ADGRB3: variants seen among roughly 807,000 people sequenced by gnomAD.
The protein encoded by ADGRB3 is brain-specific angiogenesis inhibitor 3.
A neutral mutation model predicts 193.4 loss-of-function variants in ADGRB3; 37 were observed. The observed-to-expected ratio is 0.19, with a 90% CI of 0.15 to 0.25. The LOEUF is 0.25. Among genes scored for constraint, ADGRB3 ranks in the 10% least tolerant of loss-of-function variants. The pLI is 1.00. For synonymous variants in ADGRB3, 690 were observed against 644.2 expected (o/e 1.07, Z -1.08); for missense variants, 1,637 against 1,852.9 (o/e 0.88, Z 2.14).
At chr6:69,298,582 G>A (rs775452297) in intron 20 of ADGRB3, among the ~76,000 whole-genome samples, 20 of 151,900 alleles carry the variant, frequency 1.3e-4, no homozygotes, top group Non-Finnish European at 2.9e-4. Context: ...TCTAATGTGT[G>A]TCTTCATGAG....
intron 3 of ADGRB3, among the ~76,000 whole-genome samples, chr6:68,871,926 C>T (rs1562065369): frequency 6.6e-6 from 1 of 151,944 alleles, no homozygotes; most frequent in Non-Finnish European, 1.5e-5. Flanking sequence ...TCTATTCTTT[C>T]TTTGATTAGG....
intron 3 of ADGRB3, among the ~76,000 whole-genome samples, chr6:68,665,868 A>G (rs1009068412): frequency 1.3e-5 from 2 of 151,862 alleles, no homozygotes; most frequent in Admixed American, 6.6e-5. Flanking sequence ...ATATAAATGT[A>G]TATCACATAA....
intron 17 of ADGRB3, among the ~76,000 whole-genome samples, chr6:69,163,807 A>C (rs1775059979): frequency 6.6e-6 from 1 of 152,144 alleles, no homozygotes; most frequent in Non-Finnish European, 1.5e-5. Context: ...CTATGAGAAA[A>C]ACCCACTGAT....
chr6:69,285,704 A>G (rs1350419776), intron 20 of ADGRB3, among the ~76,000 whole-genome samples: 1 of 151,888 alleles, frequency 6.6e-6, no homozygotes, highest in Non-Finnish European at 1.5e-5. Flanking sequence ...AAATAGTACT[A>G]TCATTGTGGC....
chr6:69,234,592 G>T (rs750834687), intron 18 of ADGRB3, among the ~76,000 whole-genome samples: 1 of 152,062 alleles, frequency 6.6e-6, no homozygotes, highest in African/African-American at 2.4e-5. Flanking sequence ...CCAGATATAG[G>T]TAACATAATG....
intron 17 of ADGRB3, among the ~76,000 whole-genome samples, chr6:69,181,025 C>A (rs779490): frequency 9.9e-5 from 15 of 152,168 alleles, no homozygotes; most frequent in Non-Finnish European, 1.9e-4. Context: ...CTCCCTCAGC[C>A]TACTGGGTTG....
intron 17 of ADGRB3, among the ~76,000 whole-genome samples, chr6:69,086,905 G>T (rs962218120): frequency 6.6e-6 from 1 of 151,956 alleles, no homozygotes; most frequent in African/African-American, 2.4e-5. Flanking sequence ...ACCTTTTCAC[G>T]CCAGGAATTG....
At chr6:68,857,782 G>C (rs780898733) in intron 3 of ADGRB3, among the ~76,000 whole-genome samples, 3 of 152,100 alleles carry the variant, frequency 2.0e-5, no homozygotes, top group Non-Finnish European at 4.4e-5. Context: ...GGAGGAGCCA[G>C]GGGCAGAATT....
chr6:69,282,211 A>T (rs1488416558), intron 20 of ADGRB3, among the ~76,000 whole-genome samples: 1 of 152,202 alleles, frequency 6.6e-6, no homozygotes. Context: ...TGAACGTCTG[A>T]TTTTAAAAGC....
Position 68,766,506 on chromosome 6 carries a change from T to C in ADGRB3, c.757+127074T>C, listed in dbSNP as rs552657771. Among the ~76,000 whole-genome samples, 494 of 152,122 alleles carry C rather than the reference T, an allele frequency of 3.2e-3. 4 individuals carry two copies. Among genetic ancestry groups the C allele is most frequent in the African/African-American group, 0.011 (467 of 41,566 alleles). ...TTGAATTGCAGATCTTATGAACAAT[T>C]TTAATTTAGTGGATAAAAATGGCAT... On this transcript the variant is annotated intron_variant, in intron 3 of 31. Transcript: ENST00000370598.
rs528457197 is a variant in ADGRB3 at position 69,005,672 on chromosome 6, G to A, written c.1930-8366G>A. On this transcript the variant is annotated intron_variant, in intron 11 of 31. Transcript: ENST00000370598. ...CTGTTCTCACATTCCTTTTGGTCTG[G>A]CAGGTTGCAGTGGGAAAGCAAGGAC... Among the ~76,000 whole-genome samples, 107 of 152,238 alleles carry A rather than the reference G, an allele frequency of 7.0e-4. 1 individual carries two copies. The highest frequency in any genetic ancestry group is 2.5e-3 in the African/African-American group (102 of 41,528).
intron 3 of ADGRB3, among the ~76,000 whole-genome samples, chr6:68,772,558 T>A (rs1239465444): frequency 6.6e-6 from 1 of 151,912 alleles, no homozygotes; most frequent in Non-Finnish European, 1.5e-5. Flanking sequence ...AGTAATGAAA[T>A]ACCATACCAG....
At chr6:69,214,006 A>G (rs1239622773) in intron 17 of ADGRB3, among the ~76,000 whole-genome samples, 1 of 152,054 alleles carries the variant, frequency 6.6e-6, no homozygotes, top group Non-Finnish European at 1.5e-5. Flanking sequence ...ACAATATGCT[A>G]TTTATAAATG....
At chr6:69,025,723 A>G (rs1268280649) in intron 13 of ADGRB3, among the ~76,000 whole-genome samples, 1 of 152,174 alleles carries the variant, frequency 6.6e-6, no homozygotes, top group Non-Finnish European at 1.5e-5. Flanking sequence ...TATTGTGCTA[A>G]CATACTGGTT....
intron 17 of ADGRB3, among the ~76,000 whole-genome samples, chr6:69,214,334 A>T (rs2127242752): frequency 6.6e-6 from 1 of 152,262 alleles, no homozygotes; most frequent in South Asian, 2.1e-4. Context: ...ATGGCTTTTC[A>T]GCAGCCCTTG....
chr6:68,921,881 G>A (rs1326738358), intron 3 of ADGRB3, among the ~76,000 whole-genome samples: 3 of 151,932 alleles, frequency 2.0e-5, no homozygotes, highest in Non-Finnish European at 2.9e-5. Flanking sequence ...CCGCAATATC[G>A]TTTGTGTCGT....
At chr6:69,167,404 A>G (rs1205691206) in intron 17 of ADGRB3, among the ~76,000 whole-genome samples, 1 of 152,136 alleles carries the variant, frequency 6.6e-6, no homozygotes, top group Non-Finnish European at 1.5e-5. Flanking sequence ...AAAAACTCAG[A>G]TATACATGGA....
intron 3 of ADGRB3, among the ~76,000 whole-genome samples, chr6:68,714,058 G>A (rs16880676): frequency 1.3e-5 from 2 of 151,620 alleles, no homozygotes; most frequent in South Asian, 4.1e-4. Flanking sequence ...TTCTAAAAGA[G>A]TATTTTTTGG....
chr6:69,219,461 GTA>G lies in ADGRB3; in HGVS notation c.2481-13798_2481-13797del, dbSNP rs3839475. On this transcript the variant is annotated intron_variant, in intron 17 of 31. Coordinates refer to ENST00000370598, the MANE Select transcript of ADGRB3 (RefSeq NM_001704.3). ...CTTTAACTTAAAAATACACACACAC[GTA>G]TATATATATATATATATATATATAT... Among the ~76,000 whole-genome samples the G allele has an allele frequency of 6.6e-3, 648 of 98,926 alleles. 10 individuals carry two copies. The highest frequency in any genetic ancestry group is 0.01 in the East Asian group (34 of 3,278). The allele number at this position is 98,926 out of a possible 152,430, so 64.9% of individuals were successfully genotyped here.
Sources: gnomAD v4.1 joint callset for allele counts (sites outside exome capture counted in the v4.1 genomes callset) on GRCh38, gnomAD v4.1.1 for gene constraint, MANE v1.5 for transcripts, NCBI Gene and HGNC (gene_info 2026-07-23, HGNC 2026-07-21) for gene names.